The following NFASC variants were observed in gnomAD, a reference collection of about 807,000 sequenced individuals.
NFASC encodes the protein neurofascin, also known as neurofascin homolog.
Under a neutral mutation model 147.5 loss-of-function variants are expected in NFASC, and 43 were observed. That is an observed-to-expected ratio of 0.29 (90% CI 0.23 to 0.38). The LOEUF (loss-of-function observed/expected upper bound fraction) is 0.38. Ranked by LOEUF, NFASC falls within the 10% of genes least tolerant of loss-of-function variation. The pLI, the probability that NFASC is intolerant of heterozygous loss-of-function variation, is 1.00. For synonymous variants in NFASC, 622 were observed against 665.5 expected, an observed-to-expected ratio of 0.93 and a Z score of 1.01; for missense variants, 1,320 against 1,689.0, an observed-to-expected ratio of 0.78 and a Z score of 3.83.
intron 1 of NFASC, among the ~76,000 whole-genome samples, chr1:204,896,739 A>G (rs1446322752): frequency 6.6e-6 from 1 of 152,256 alleles, no homozygotes; most frequent in African/African-American, 2.4e-5. Flanking sequence ...AGAAACTATA[A>G]TCGGCATATA....
At chr1:204,908,667 A>T (rs2086601129) in intron 1 of NFASC, among the ~76,000 whole-genome samples, 1 of 152,114 alleles carries the variant, frequency 6.6e-6, no homozygotes, top group Non-Finnish European at 1.5e-5. Context: ...AGGATCCCTC[A>T]TGTTGCCCTT....
At chr1:204,838,543 C>T (rs1674429195) in intron 1 of NFASC, among the ~76,000 whole-genome samples, 1 of 152,198 alleles carries the variant, frequency 6.6e-6, no homozygotes, top group African/African-American at 2.4e-5. Context: ...GGGAAGGCTC[C>T]TTGGATTCTG....
intron 1 of NFASC, among the ~76,000 whole-genome samples, chr1:204,881,996 T>C (rs984778075): frequency 1.3e-5 from 2 of 152,040 alleles, no homozygotes; most frequent in Admixed American, 1.3e-4. Context: ...TTACTCCTGA[T>C]GTTTCCTCTT....
Position 204,986,058 on chromosome 1 carries a change from A to G in NFASC, c.2471-1360A>G, listed in dbSNP as rs2095608882. On this transcript the variant is annotated intron_variant, in intron 21 of 29. Coordinates refer to ENST00000339876, the MANE Select transcript of NFASC (RefSeq NM_001005388.3). This position sits in a 1 kb window ranked among gnomAD's most constrained non-coding sequence, Gnocchi z 4.2. ...TACAAGCTGGAGATGGTTGTGGTCA[A>G]TGGGAGAGGTGATGGGCCTCGCAGT... The G allele has an allele frequency of 1.9e-6, 3 of 1,614,174 alleles. No individual in the cohort carries two copies. The highest frequency in any genetic ancestry group is 1.7e-6 in the Non-Finnish European group (2 of 1,180,014).
At chr1:204,945,033 T>C (rs2093619458) in intron 3 of NFASC, 1 of 152,298 alleles carries the variant, frequency 6.6e-6, no homozygotes, top group South Asian at 2.1e-4. Flanking sequence ...AAAAGTAAAA[T>C]CGCTGTCATT....
At chr1:204,941,649 T>TA (rs1290514372) in intron 2 of NFASC, among the ~76,000 whole-genome samples, 5 of 152,204 alleles carry the variant, frequency 3.3e-5, no homozygotes, top group African/African-American at 1.2e-4. Flanking sequence ...TGGAGATGTA[T>TA]AAGCCAAGGA....
intron 25 of NFASC, 128 bp downstream of exon 25, chr1:204,997,534 T>C: frequency 1.9e-6 from 2 of 1,067,754 alleles, no homozygotes; most frequent in Non-Finnish European, 2.8e-6. Flanking sequence ...CCTCCCTTTG[T>C]GTTTCCTTTG....
chr1:204,915,389 G>A (rs1477722098), intron 1 of NFASC, among the ~76,000 whole-genome samples: 1 of 152,178 alleles, frequency 6.6e-6, no homozygotes, highest in Non-Finnish European at 1.5e-5. Context: ...GGGAAAATAT[G>A]TATAGTATGC....
chr1:205,007,372 G>C (rs1456708227), intron 27 of NFASC, among the ~76,000 whole-genome samples: 1 of 151,114 alleles, frequency 6.6e-6, no homozygotes, highest in Non-Finnish European at 1.5e-5. Flanking sequence ...CTCCAACCTG[G>C]GCAATAGAGA....
rs926034020 is a variant in NFASC, at chr1:204,848,110, C to T, written c.-200+19328C>T. 3.3e-5 allele frequency among the ~76,000 whole-genome samples: 5 copies of T among 152,174 alleles called. No individual in the cohort carries two copies. In the South Asian group the frequency reaches 8.3e-4, roughly 25 times the overall value. The stretch of plus-strand genomic sequence containing the variant: ...CTTAGAAGGGCCCCAGGAGGGAAGC[C>T]TGGAGAACTCGTCCTTTCCCTCTCA... On this transcript the variant is annotated intron_variant, in intron 1 of 29. Transcript: ENST00000339876.
At chr1:204,983,975 C>A in intron 21 of NFASC, 1 of 1,293,194 alleles carries the variant, frequency 7.7e-7, no homozygotes, top group Non-Finnish European at 1.1e-6. Context: ...AAGTCAGAAG[C>A]AACTGTAGAG....
chr1:204,972,601 C>A (rs1226546852), intron 11 of NFASC, among the ~76,000 whole-genome samples: 1 of 152,188 alleles, frequency 6.6e-6, no homozygotes, highest in Non-Finnish European at 1.5e-5. Flanking sequence ...GTTTAGGACA[C>A]ATTTTTGGGG....
At chr1:204,966,323 A>G (rs918917904) in intron 8 of NFASC, among the ~76,000 whole-genome samples, 1 of 152,152 alleles carries the variant, frequency 6.6e-6, no homozygotes, top group Non-Finnish European at 1.5e-5. Flanking sequence ...TTAAACGTCC[A>G]TAGGGTCACA....
At chr1:204,917,759 T>C (rs1176202932) in intron 1 of NFASC, among the ~76,000 whole-genome samples, 2 of 152,194 alleles carry the variant, frequency 1.3e-5, no homozygotes, top group Non-Finnish European at 2.9e-5. Flanking sequence ...CTCTGTTTGC[T>C]TTTTTGGTAT....
chr1:204,880,576 C>T (rs1418551206), intron 1 of NFASC, among the ~76,000 whole-genome samples: 1 of 152,018 alleles, frequency 6.6e-6, no homozygotes, highest in Non-Finnish European at 1.5e-5. Context: ...AGGATGGTCT[C>T]GATCTCCTGA....
intron 24 of NFASC, among the ~76,000 whole-genome samples, chr1:204,996,910 T>C (rs72753463): frequency 0.011 from 1,714 of 152,230 alleles, 57 homozygotes; most frequent in East Asian, 0.061. Context: ...CATCCTTGGC[T>C]GGGTGCATGC....
At position 205,021,267 on chromosome 1, in the gene NFASC, A is replaced by G. The variant is rs2096398906; in HGVS notation, c.*4728A>G. On this transcript the variant is annotated 3_prime_UTR_variant, in exon 30 of 30. Transcript: ENST00000339876. ...TGTCCTTTCTTTCCCTTCCTTACTA[A>G]TAATGGGCCTTCCTGAGACACATTC... 1 of 152,590 alleles carries G rather than the reference A, an allele frequency of 6.6e-6. No individual in the cohort carries two copies. The highest frequency in any genetic ancestry group is 1.5e-5 in the Non-Finnish European group (1 of 68,046). 9.5% of individuals were successfully genotyped at this position (152,590 alleles called of 1,614,324 possible). A position where few individuals can be genotyped will look rare whatever the true frequency, so the allele number is the denominator to read the frequency against.
At chr1:204,997,585 A>T in intron 25 of NFASC, 179 bp downstream of exon 25, 1 of 727,012 alleles carries the variant, frequency 1.4e-6, no homozygotes, top group Non-Finnish European at 2.4e-6. Context: ...CGTAGCCTGG[A>T]GGCCCAGATC....
rs575422993 is a variant in NFASC, at chr1:205,002,863, C to T, written c.3289+115C>T. On this transcript the variant is annotated intron_variant, in intron 27 of 29. Coordinates refer to ENST00000339876, the MANE Select transcript of NFASC (RefSeq NM_001005388.3). ...GAAGACTCATCCCCCACCCCATTTCCCACCTTGCATGGCGTGTCTCAGCTC... is the reference window on the plus strand; with the variant it reads ...GAAGACTCATCCCCCACCCCATTTCTCACCTTGCATGGCGTGTCTCAGCTC... 444 of 803,308 alleles carry T rather than the reference C, an allele frequency of 5.5e-4. 1 individual carries two copies. In the African/African-American group the frequency reaches 7.5e-3, roughly 14 times the overall value. 49.8% of individuals were successfully genotyped at this position (803,308 alleles called of 1,614,324 possible).
Sources: gnomAD v4.1 joint callset for allele counts (sites outside exome capture counted in the v4.1 genomes callset) on GRCh38, gnomAD v4.1.1 for gene constraint, Gnocchi (gnomAD v3.1) non-coding constraint, MANE v1.5 for transcripts, NCBI Gene and HGNC (gene_info 2026-07-23, HGNC 2026-07-21) for gene names.